CADM2: variants seen among roughly 807,000 people sequenced by gnomAD.
The protein encoded by CADM2 is cell adhesion molecule 2.
Under a neutral mutation model 49.8 loss-of-function variants are expected in CADM2, and 12 were observed. The observed-to-expected ratio is 0.24, with a 90% CI of 0.15 to 0.39. The LOEUF (loss-of-function observed/expected upper bound fraction) is 0.39. Ranked by LOEUF, CADM2 falls within the 10% of genes least tolerant of loss-of-function variation. The probability of loss-of-function intolerance (pLI) is 1.00; values close to 1 mark genes in which losing one functional copy is unlikely to be tolerated. For synonymous variants in CADM2, 214 were observed against 175.4 expected, an observed-to-expected ratio of 1.22 and a Z score of -1.74; for missense variants, 378 against 492.3, an observed-to-expected ratio of 0.77 and a Z score of 2.20.
chr3:85,806,689 C>G (rs764085659), intron 3 of CADM2, among the ~76,000 whole-genome samples: 5 of 151,940 alleles, frequency 3.3e-5, no homozygotes, highest in Non-Finnish European at 7.4e-5. Context: ...GAGCTGAGAT[C>G]GCGCTACTGC....
intron 8 of CADM2, among the ~76,000 whole-genome samples, chr3:86,009,536 A>G (rs1252495789): frequency 1.3e-5 from 2 of 151,772 alleles, no homozygotes; most frequent in African/African-American, 4.8e-5. Context: ...AAAACTTGAA[A>G]CAATAGTTAT....
chr3:85,718,987 A>C (rs959476174), intron 1 of CADM2, among the ~76,000 whole-genome samples: 1 of 151,124 alleles, frequency 6.6e-6, no homozygotes, highest in Non-Finnish European at 1.5e-5. Context: ...ATCTCAGTTC[A>C]CTGCAACCTC....
At chr3:85,763,922 T>C (rs1386900888) in intron 2 of CADM2, among the ~76,000 whole-genome samples, 1 of 152,112 alleles carries the variant, frequency 6.6e-6, no homozygotes, top group Non-Finnish European at 1.5e-5. Context: ...CTTGCCTCCT[T>C]TTCTCTTCAG....
At chr3:85,156,276 A>T (rs1352569975) in intron 1 of CADM2, among the ~76,000 whole-genome samples, 1 of 152,086 alleles carries the variant, frequency 6.6e-6, no homozygotes, top group Non-Finnish European at 1.5e-5. Context: ...ACGCAATAAA[A>T]ACTGATAAAG....
chr3:85,565,636 A>T (rs1490693209), intron 1 of CADM2, among the ~76,000 whole-genome samples: 1 of 152,050 alleles, frequency 6.6e-6, no homozygotes, highest in Non-Finnish European at 1.5e-5. Context: ...AAGAGGAAAA[A>T]AATGCAAGTT....
intron 1 of CADM2, among the ~76,000 whole-genome samples, chr3:85,303,701 A>G (rs1283017238): frequency 1.3e-5 from 2 of 151,890 alleles, no homozygotes; most frequent in Admixed American, 6.6e-5. Context: ...GTCAAACCCA[A>G]TGAGTGTCTG....
chr3:85,801,446 G>A (rs1431395889), intron 2 of CADM2, among the ~76,000 whole-genome samples: 2 of 152,026 alleles, frequency 1.3e-5, no homozygotes, highest in Non-Finnish European at 1.5e-5. Flanking sequence ...GAGTTTGAAT[G>A]GATATTCTAC....
chr3:85,801,094 A>T (rs746168238), intron 2 of CADM2: 2 of 152,220 alleles, frequency 1.3e-5, no homozygotes, highest in Non-Finnish European at 2.9e-5. Context: ...ATTCTTACCC[A>T]TGTTAATCAT....
intron 1 of CADM2, among the ~76,000 whole-genome samples, chr3:84,967,733 C>A (rs1468068355): frequency 6.6e-6 from 1 of 152,002 alleles, no homozygotes; most frequent in Non-Finnish European, 1.5e-5. Flanking sequence ...AGGATATGTA[C>A]AGAATATGTA....
intron 1 of CADM2, among the ~76,000 whole-genome samples, chr3:85,665,222 C>G (rs1297874988): frequency 1.3e-5 from 2 of 151,810 alleles, no homozygotes; most frequent in African/African-American, 4.8e-5. Flanking sequence ...ATCACTTTAT[C>G]ATATTTGGAA....
At chr3:85,010,603 A>C (rs571035543) in intron 1 of CADM2, among the ~76,000 whole-genome samples, 2 of 152,142 alleles carry the variant, frequency 1.3e-5, no homozygotes, top group South Asian at 4.1e-4. Flanking sequence ...AAGATCAAAA[A>C]ACAAAAACAA....
At chr3:85,212,812 C>CTATTTCTT (rs1275410284) in intron 1 of CADM2, among the ~76,000 whole-genome samples, 33 of 102,642 alleles carry the variant, frequency 3.2e-4, no homozygotes, top group African/African-American at 1.2e-3. Flanking sequence ...TCTTTTTCTT[C>CTATTTCTT]TCTTTCTTTC....
intron 1 of CADM2, among the ~76,000 whole-genome samples, chr3:85,632,690 T>C (rs1238483983): frequency 6.6e-6 from 1 of 152,056 alleles, no homozygotes; most frequent in African/African-American, 2.4e-5. Flanking sequence ...TTATTCTCAT[T>C]GTGGTGCACT....
chr3:85,287,302 A>C (rs1327649228), intron 1 of CADM2, among the ~76,000 whole-genome samples: 1 of 152,092 alleles, frequency 6.6e-6, no homozygotes, highest in African/African-American at 2.4e-5. Flanking sequence ...CAAGTTGGCC[A>C]TACTGACTGT....
At chr3:85,603,817 G>A (rs1286296904) in intron 1 of CADM2, among the ~76,000 whole-genome samples, 3 of 151,750 alleles carry the variant, frequency 2.0e-5, no homozygotes, top group Admixed American at 6.6e-5. Flanking sequence ...GACTTCATAA[G>A]GACTTTCTTC....
At chr3:85,341,952 G>C (rs1005649314) in intron 1 of CADM2, among the ~76,000 whole-genome samples, 6 of 152,120 alleles carry the variant, frequency 3.9e-5, no homozygotes, top group African/African-American at 1.4e-4. Flanking sequence ...CATTGCATGG[G>C]CAAAGACTTC....
At chr3:85,908,585 T>G (rs1431413044) in intron 5 of CADM2, among the ~76,000 whole-genome samples, 1 of 152,128 alleles carries the variant, frequency 6.6e-6, no homozygotes, top group Non-Finnish European at 1.5e-5. Flanking sequence ...TTCTGACATA[T>G]GCAAAGTAAG....
At chr3:85,909,875 C>T (rs761795941) in intron 5 of CADM2, among the ~76,000 whole-genome samples, 4 of 152,082 alleles carry the variant, frequency 2.6e-5, no homozygotes, top group Non-Finnish European at 5.9e-5. Context: ...TAAGTGTCTT[C>T]TCTATTCATT....
In CADM2 at chr3:85,484,711, T is replaced by C. The variant is rs147551817; in HGVS notation, c.62-241811T>C. 8.6e-4 allele frequency among the ~76,000 whole-genome samples: 131 copies of C among 152,130 alleles called. 1 individual carries two copies. Among genetic ancestry groups the C allele is most frequent in the Middle Eastern group, 3.4e-3 (1 of 294 alleles). On this transcript the variant is annotated intron_variant, in intron 1 of 9. Transcript: ENST00000383699. ...AACAGCATAAGGACAGTGAGTTTAATTGTACAACTTAAAACTGAAACTATT... is the reference window on the plus strand; with the variant it reads ...AACAGCATAAGGACAGTGAGTTTAACTGTACAACTTAAAACTGAAACTATT...
Sources: allele counts gnomAD v4.1 joint callset (sites outside exome capture counted in the v4.1 genomes callset), GRCh38; gene constraint gnomAD v4.1.1; transcripts MANE v1.5; gene names NCBI Gene and HGNC (gene_info 2026-07-23, HGNC 2026-07-21).